Variants in CMTM8 observed in about 807,000 individuals in gnomAD.
CMTM8 encodes CKLF-like MARVEL transmembrane domain-containing protein 8.
Under a neutral mutation model 18.6 loss-of-function variants are expected in CMTM8, and 12 were observed. That is an observed-to-expected ratio of 0.65 (90% confidence interval 0.41 to 1.05). The LOEUF (loss-of-function observed/expected upper bound fraction) is 1.05, where lower values mean the gene tolerates loss of function less well. Among genes scored for constraint, CMTM8 ranks in the 50% least tolerant of loss-of-function variants. The pLI, the probability that CMTM8 is intolerant of heterozygous loss-of-function variation, is 0.00. For missense variants in CMTM8, 217 were observed against 227.2 expected, an observed-to-expected ratio of 0.95 and a Z score of 0.29; for synonymous variants, 87 against 90.6, an observed-to-expected ratio of 0.96 and a Z score of 0.23.
intron 1 of CMTM8, among the ~76,000 whole-genome samples, chr3:32,316,875 A>G (rs1486442929): frequency 1.3e-5 from 2 of 152,248 alleles, no homozygotes; most frequent in Non-Finnish European, 2.9e-5. Flanking sequence ...TCAATTTGCC[A>G]ATATGGTAGA....
At chr3:32,265,701 C>T (rs866254215) in intron 1 of CMTM8, among the ~76,000 whole-genome samples, 2,130 of 145,276 alleles carry the variant, frequency 0.015, 43 homozygotes, top group Middle Eastern at 0.056. Context: ...ATTGATAGAC[C>T]GCTAGCAAGA....
intron 1 of CMTM8, among the ~76,000 whole-genome samples, chr3:32,303,018 C>G (rs115277374): frequency 4.6e-5 from 7 of 152,318 alleles, no homozygotes; most frequent in African/African-American, 1.7e-4. Context: ...CCAGCTCTTA[C>G]AATCACATGC....
chr3:32,298,364 G>T (rs1040263520), intron 1 of CMTM8, among the ~76,000 whole-genome samples: 1 of 151,170 alleles, frequency 6.6e-6, no homozygotes, highest in East Asian at 1.9e-4. Context: ...GAGCCATCAC[G>T]TCCAGCCCCT....
At chr3:32,302,739 A>G (rs777920845) in intron 1 of CMTM8, among the ~76,000 whole-genome samples, 3 of 152,316 alleles carry the variant, frequency 2.0e-5, no homozygotes, top group Non-Finnish European at 4.4e-5. Flanking sequence ...TGAGAAAAGA[A>G]GAAAGCTAAG....
At chr3:32,318,859 G>A (rs542338593) in intron 1 of CMTM8, among the ~76,000 whole-genome samples, 49 of 150,498 alleles carry the variant, frequency 3.3e-4, no homozygotes, top group Non-Finnish European at 6.2e-4. Context: ...GAGCCACCGC[G>A]CCCGGCTAGT....
intron 1 of CMTM8, among the ~76,000 whole-genome samples, chr3:32,253,344 C>CTTTT: frequency 7.6e-6 from 1 of 132,126 alleles, no homozygotes; most frequent in East Asian, 2.2e-4. Context: ...GTCCCTTTAT[C>CTTTT]TTTTTTTTTT....
chr3:32,311,178 C>G (rs1280027042), intron 1 of CMTM8, among the ~76,000 whole-genome samples: 1 of 152,194 alleles, frequency 6.6e-6, no homozygotes, highest in Non-Finnish European at 1.5e-5. Context: ...GACCCGCAAG[C>G]TAAGAATGAC....
At chr3:32,347,433 G>A (rs1478367600) in intron 1 of CMTM8, among the ~76,000 whole-genome samples, 1 of 151,354 alleles carries the variant, frequency 6.6e-6, no homozygotes, top group East Asian at 1.9e-4. Flanking sequence ...CTGTACTTTG[G>A]CCACCCCCCG....
intron 1 of CMTM8, among the ~76,000 whole-genome samples, chr3:32,253,344 CTTTT>C (rs151296321): frequency 1.5e-5 from 2 of 132,146 alleles, no homozygotes; most frequent in Non-Finnish European, 3.2e-5. Context: ...GTCCCTTTAT[CTTTT>C]TTTTTTTTTT....
intron 1 of CMTM8, among the ~76,000 whole-genome samples, chr3:32,339,308 G>T (rs575637021): frequency 6.6e-6 from 1 of 152,266 alleles, no homozygotes; most frequent in East Asian, 1.9e-4. Context: ...GCAAGAATAA[G>T]GTAATTCACA....
chr3:32,258,752 C>T (rs1020713867), intron 1 of CMTM8, among the ~76,000 whole-genome samples: 1 of 152,166 alleles, frequency 6.6e-6, no homozygotes, highest in Non-Finnish European at 1.5e-5. Context: ...CTCAAGCAAT[C>T]CTCCTGCTTT....
intron 1 of CMTM8, among the ~76,000 whole-genome samples, chr3:32,315,128 C>CTT (rs774058477): frequency 6.5e-5 from 9 of 138,594 alleles, no homozygotes; most frequent in African/African-American, 2.5e-4. Flanking sequence ...TCTTCTTCTT[C>CTT]TTTTTTTTTT....
intron 1 of CMTM8, chr3:32,259,795 C>T (rs556928188): frequency 1.7e-5 from 14 of 839,800 alleles, no homozygotes; most frequent in South Asian, 5.3e-5. Context: ...CCACACAGTC[C>T]GCCGAGGTTG....
At chr3:32,360,782 A>T (rs866949356) in intron 2 of CMTM8, among the ~76,000 whole-genome samples, 1 of 152,362 alleles carries the variant, frequency 6.6e-6, no homozygotes, top group South Asian at 2.1e-4. Context: ...ATTATTAGGA[A>T]TACAGAATGT....
chr3:32,317,180 T>G (rs1447416104), intron 1 of CMTM8, among the ~76,000 whole-genome samples: 2 of 152,228 alleles, frequency 1.3e-5, no homozygotes, highest in East Asian at 3.9e-4. Context: ...GGTCGTAGGA[T>G]TGACCTCAGG....
At chr3:32,252,139 T>C (rs1309240355) in intron 1 of CMTM8, among the ~76,000 whole-genome samples, 3 of 152,228 alleles carry the variant, frequency 2.0e-5, no homozygotes, top group Admixed American at 1.3e-4. Context: ...AGAAGTCTTT[T>C]TGTGTGTATA....
chr3:32,282,885 C>A (rs1418336221), intron 1 of CMTM8, among the ~76,000 whole-genome samples: 1 of 152,168 alleles, frequency 6.6e-6, no homozygotes, highest in Non-Finnish European at 1.5e-5. Context: ...TGCCTAGAAC[C>A]CACTTTCTCC....
rs533908509 is a variant in CMTM8 at position 32,359,546 on chromosome 3, C to G, written c.321+2000C>G. 3.5e-4 allele frequency among the ~76,000 whole-genome samples: 53 copies of G among 152,206 alleles called. 1 individual carries two copies. The South Asian group carries it at 0.01, about 30-fold the overall frequency. On this transcript the variant is annotated intron_variant, in intron 2 of 3. Transcript: ENST00000307526. ...CGGAGGTTGTAATAAGCTGAGATCACGCCACTGCACTCCAGCTTGGGCGAC... is the reference window on the plus strand; with the variant it reads ...CGGAGGTTGTAATAAGCTGAGATCAGGCCACTGCACTCCAGCTTGGGCGAC...
At chr3:32,338,548 G>A (rs1023425389) in intron 1 of CMTM8, among the ~76,000 whole-genome samples, 3 of 152,120 alleles carry the variant, frequency 2.0e-5, no homozygotes, top group Admixed American at 2.0e-4. Context: ...AACCTAGGTG[G>A]TGCTGTACCC....
Sources: allele counts gnomAD v4.1 joint callset (sites outside exome capture counted in the v4.1 genomes callset), GRCh38; gene constraint gnomAD v4.1.1; transcripts MANE v1.5; gene names NCBI Gene and HGNC (gene_info 2026-07-23, HGNC 2026-07-21).